The following C6orf52 variants were observed in gnomAD, a reference collection of about 807,000 sequenced individuals.
C6orf52 encodes the protein putative uncharacterized protein C6orf52.
In C6orf52, 16 loss-of-function variants were observed where a neutral mutation model predicts 16.6. The ratio of observed to expected loss-of-function variants is 0.96; its 90% CI spans 0.65 to 1.46. The LOEUF (loss-of-function observed/expected upper bound fraction) is 1.46, where lower values mean the gene tolerates loss of function less well. Among genes scored for constraint, C6orf52 ranks in the 40% most tolerant of loss-of-function variants. The pLI is 0.00. For synonymous variants in C6orf52, 53 were observed against 61.4 expected, an observed-to-expected ratio of 0.86 and a Z score of 0.64; for missense variants, 166 against 182.3, an observed-to-expected ratio of 0.91 and a Z score of 0.52.
upstream of C6orf52, chr6:10,694,627 C>A: frequency 1.0e-5 from 2 of 192,244 alleles, no homozygotes; most frequent in Admixed American, 1.2e-4. Context: ...GGCCCCACCT[C>A]CTCCTGATGT....
chr6:10,691,999 T>C (rs75321218), intron 1 of C6orf52, among the ~76,000 whole-genome samples: 2,202 of 152,314 alleles, frequency 0.014, 27 homozygotes, highest in Non-Finnish European at 0.023. Flanking sequence ...AATAATCACC[T>C]TTTTATGGTG....
chr6:10,694,163 G>A (rs958744634), intron 1 of C6orf52, among the ~76,000 whole-genome samples: 9 of 151,494 alleles, frequency 5.9e-5, no homozygotes, highest in Admixed American at 2.0e-4. Context: ...GGGAGGCTGA[G>A]GCAGGAGAAT....
chr6:10,687,096 TA>T lies in C6orf52; in HGVS notation c.139del (p.Tyr47MetfsTer49), dbSNP rs1768922612. ...PSQSYRYGNW[Y>X]ARQHGSYLLS... is the part of the protein sequence containing the mutation. ...AAGGTAAGAGCCGTGCTGTCGCGCA[TA>T]CCAGTTGCCATAGCGGTAACTCTGG... is the stretch of plus-strand genomic sequence containing the variant. On this transcript the variant is annotated frameshift_variant, in exon 3 of 5. Transcript: ENST00000259983. LOFTEE classifies it high-confidence loss of function. 2 of 1,552,048 alleles carry T rather than the reference TA, an allele frequency of 1.3e-6. No individual in the cohort carries two copies. Among genetic ancestry groups the T allele is most frequent in the Non-Finnish European group, 1.7e-6 (2 of 1,147,020 alleles).
intron 1 of C6orf52, among the ~76,000 whole-genome samples, chr6:10,694,106 CA>C (rs1769616088): frequency 6.6e-6 from 1 of 151,818 alleles, no homozygotes; most frequent in South Asian, 2.1e-4. Flanking sequence ...CTAAAAAATA[CA>C]AAATTAGCCA....
At chr6:10,676,611 A>G (rs552605524) in intron 4 of C6orf52, among the ~76,000 whole-genome samples, 2 of 152,354 alleles carry the variant, frequency 1.3e-5, no homozygotes, top group South Asian at 4.1e-4. Context: ...TATTTGCATA[A>G]TAAGATCAGG....
At chr6:10,684,896 G>C in intron 3 of C6orf52, 1 of 1,288,694 alleles carries the variant, frequency 7.8e-7, no homozygotes, top group Non-Finnish European at 1.0e-6. Flanking sequence ...CACCCAGCAG[G>C]ATGGCAGGCA....
chr6:10,686,065 C>T (rs1768848376), intron 3 of C6orf52, among the ~76,000 whole-genome samples: 1 of 152,194 alleles, frequency 6.6e-6, no homozygotes, highest in Non-Finnish European at 1.5e-5. Context: ...TGCGCTCGCT[C>T]TGTTGCTCAG....
Position 10,683,331 on chromosome 6 carries a change from C to T in C6orf52, c.271-99G>A. The T allele has an allele frequency of 1.0e-5, 7 of 675,782 alleles. No individual in the cohort carries two copies. In the South Asian group the frequency reaches 1.3e-4, roughly 12 times the overall value. 41.9% of individuals were successfully genotyped at this position (675,782 alleles called of 1,614,324 possible). Reference sequence around the variant, plus strand: ...AAAACTCTAGCTCTCAAAAAAACTACCTAAAATAAAAATAATATTGACAAT... The same window carrying T: ...AAAACTCTAGCTCTCAAAAAAACTATCTAAAATAAAAATAATATTGACAAT... On this transcript the variant is annotated intron_variant, in intron 3 of 4. Coordinates refer to ENST00000259983, the MANE Select transcript of C6orf52 (RefSeq NM_001145020.3).
chr6:10,687,274 T>C, intron 2 of C6orf52, 110 bp from the exon 3 acceptor site: 1 of 840,800 alleles, frequency 1.2e-6, no homozygotes, highest in South Asian at 1.6e-5. Flanking sequence ...TTCAAAGCCA[T>C]AGTTTGATAC....
intron 1 of C6orf52, among the ~76,000 whole-genome samples, chr6:10,688,635 G>C (rs965037624): frequency 1.1e-4 from 16 of 152,042 alleles, no homozygotes; most frequent in African/African-American, 3.9e-4. Flanking sequence ...GTATAAAATG[G>C]TGTAGTATTT....
intron 1 of C6orf52, among the ~76,000 whole-genome samples, chr6:10,690,887 G>C (rs1769232249): frequency 6.6e-6 from 1 of 152,174 alleles, no homozygotes; most frequent in Non-Finnish European, 1.5e-5. Flanking sequence ...GTTATGCTCA[G>C]TTCCAATCCA....
intron 4 of C6orf52, among the ~76,000 whole-genome samples, chr6:10,674,156 C>T (rs889432209): frequency 5.3e-5 from 8 of 152,116 alleles, no homozygotes; most frequent in Non-Finnish European, 7.4e-5. Context: ...AGAGAGGAAT[C>T]AAATTCCCTC....
At chr6:10,680,147 G>T (rs1768246840) in intron 4 of C6orf52, among the ~76,000 whole-genome samples, 2 of 152,112 alleles carry the variant, frequency 1.3e-5, no homozygotes, top group African/African-American at 4.8e-5. Context: ...CCAGCTACTT[G>T]GGAGGCTGAG....
chr6:10,671,561 T>C lies in C6orf52; in HGVS notation c.354A>G (p.Gln118=), dbSNP rs544619456. The C allele has an allele frequency of 5.7e-5, 88 of 1,546,456 alleles. 1 individual carries two copies. In the East Asian group the frequency reaches 1.7e-3, roughly 30 times the overall value. The change falls in exon 5 of 5, where the codon CAA becomes CAG. Residue 118 remains glutamine (Q), a synonymous_variant. Transcript: ENST00000259983. ...HLHLNIEESN[Q]EFMVKSEELY... Reference sequence around the variant, plus strand: ...GTTCTTCACTTTTCACCATAAACTCTTGGTTTGATTCCTCAATATTCAAAT... The same window carrying C: ...GTTCTTCACTTTTCACCATAAACTCCTGGTTTGATTCCTCAATATTCAAAT...
At chr6:10,692,439 T>C (rs1202521433) in intron 1 of C6orf52, among the ~76,000 whole-genome samples, 1 of 152,156 alleles carries the variant, frequency 6.6e-6, no homozygotes, top group Non-Finnish European at 1.5e-5. Flanking sequence ...TAGCACAAAG[T>C]AAAGAAAGAA....
At chr6:10,681,109 G>A (rs1217601515) in intron 4 of C6orf52, among the ~76,000 whole-genome samples, 1 of 152,108 alleles carries the variant, frequency 6.6e-6, no homozygotes, top group Non-Finnish European at 1.5e-5. Flanking sequence ...GGCCTGATGG[G>A]AAACTTTTTA....
intron 4 of C6orf52, among the ~76,000 whole-genome samples, chr6:10,679,993 C>T (rs1768234767): frequency 6.6e-6 from 1 of 152,154 alleles, no homozygotes; most frequent in Non-Finnish European, 1.5e-5. Context: ...TTGCTCATGC[C>T]CGTAATCCCA....
intron 4 of C6orf52, among the ~76,000 whole-genome samples, chr6:10,677,248 T>C (rs529033523): frequency 5.2e-4 from 79 of 152,360 alleles, no homozygotes; most frequent in African/African-American, 1.9e-3. Context: ...CATTGTTTTC[T>C]GAGCACCATT....
Position 10,687,542 on chromosome 6 carries a change from T to C in C6orf52, c.9A>G (p.Gln3=). MA[Q]PESSADFGIA... ...TGCCAAAATCTGCAGAACTCTCTGGTTGGGCCATTTACCCAGAAACTTTAC... is the reference window on the plus strand; with the variant it reads ...TGCCAAAATCTGCAGAACTCTCTGGCTGGGCCATTTACCCAGAAACTTTAC... Residue 3 remains glutamine, a synonymous_variant, in exon 2 of 5, where the codon CAA becomes CAG. Coordinates refer to ENST00000259983, the MANE Select transcript of C6orf52 (RefSeq NM_001145020.3). 1 of 1,550,096 alleles carries C rather than the reference T, an allele frequency of 6.5e-7. No individual in the cohort carries two copies. The highest frequency in any genetic ancestry group is 1.2e-5 in the South Asian group (1 of 83,994).
Sources: gnomAD v4.1 joint callset for allele counts (sites outside exome capture counted in the v4.1 genomes callset) on GRCh38, gnomAD v4.1.1 for gene constraint, MANE v1.5 for transcripts, NCBI Gene and HGNC (gene_info 2026-07-23, HGNC 2026-07-21) for gene names.